The following TAF6L variants were observed in gnomAD, a reference collection of about 807,000 sequenced individuals.
TAF6L encodes TAF6-like RNA polymerase II p300/CBP-associated factor-associated factor 65 kDa subunit 6L.
A neutral mutation model predicts 57.3 loss-of-function variants in TAF6L; 34 were observed. The observed-to-expected ratio is 0.59, with a 90% confidence interval of 0.45 to 0.79. The LOEUF (loss-of-function observed/expected upper bound fraction) is 0.79. TAF6L is among the 30% of genes least tolerant of loss of function. The probability of loss-of-function intolerance (pLI) is 0.00; values close to 1 mark genes in which losing one functional copy is unlikely to be tolerated. For synonymous variants in TAF6L, 417 were observed against 376.3 expected, an observed-to-expected ratio of 1.11 and a Z score of -1.25; for missense variants, 782 against 853.2, an observed-to-expected ratio of 0.92 and a Z score of 1.04.
chr11:62,778,151 G>A (rs1358279957), intron 4 of TAF6L, 23 bp downstream of exon 4: 1 of 1,614,152 alleles, frequency 6.2e-7, no homozygotes, highest in Non-Finnish European at 8.5e-7. Context: ...GTCCTGCATG[G>A]GTTGGGGATG....
At chr11:62,781,763 C>A (rs1328393435) in intron 6 of TAF6L, 131 bp from the exon 7 acceptor site, 2 of 783,304 alleles carry the variant, frequency 2.6e-6, no homozygotes, top group East Asian at 5.5e-5. Context: ...AATAGAATTG[C>A]TAGATCAAAG....
chr11:62,779,976 A>ATATTTTTTTTT (rs1294367864), intron 6 of TAF6L, among the ~76,000 whole-genome samples: 2 of 52,632 alleles, frequency 3.8e-5, no homozygotes, highest in African/African-American at 1.5e-4. Context: ...ATATATATAT[A>ATATTTTTTTTT]TTTTTTTTTT....
At chr11:62,772,612 C>T (rs2084156861) in intron 1 of TAF6L, among the ~76,000 whole-genome samples, 1 of 151,208 alleles carries the variant, frequency 6.6e-6, no homozygotes, top group African/African-American at 2.4e-5. Context: ...GGCGGATCAC[C>T]TGAGGTCAGG....
chr11:62,784,778 G>A (rs2084258106), intron 9 of TAF6L, among the ~76,000 whole-genome samples: 1 of 152,144 alleles, frequency 6.6e-6, no homozygotes, highest in South Asian at 2.1e-4. Flanking sequence ...TCATGGGATA[G>A]TCGTAAAGAA....
chr11:62,772,454 C>CA (rs1056071224), intron 1 of TAF6L, among the ~76,000 whole-genome samples: 2 of 149,260 alleles, frequency 1.3e-5, no homozygotes, highest in African/African-American at 5.0e-5. Context: ...ACCAGGGAGG[C>CA]AGAGGTTGTA....
chr11:62,784,529 A>C (rs1247627985), intron 9 of TAF6L, among the ~76,000 whole-genome samples: 1 of 150,914 alleles, frequency 6.6e-6, no homozygotes, highest in African/African-American at 2.4e-5. Context: ...GATGGTCTCG[A>C]TCTCCTGGCC....
At chr11:62,774,004 A>C (rs948610529) in intron 1 of TAF6L, among the ~76,000 whole-genome samples, 1 of 152,134 alleles carries the variant, frequency 6.6e-6, no homozygotes, top group Non-Finnish European at 1.5e-5. Flanking sequence ...AAAGTAGGAG[A>C]TAAGAGGTAA....
chr11:62,772,805 CAA>C (rs770586046), intron 1 of TAF6L, among the ~76,000 whole-genome samples: 12 of 109,644 alleles, frequency 1.1e-4, no homozygotes, highest in Non-Finnish European at 1.0e-4. Flanking sequence ...ACATCATCTC[CAA>C]AAAAAAAAAA....
At chr11:62,771,717 C>T (rs928350566) in intron 1 of TAF6L, 20 of 203,228 alleles carry the variant, frequency 9.8e-5, no homozygotes, top group Non-Finnish European at 1.8e-4. Flanking sequence ...GAGGTCAGTT[C>T]CCACGCCTCC....
rs2084289855 is a variant in TAF6L at position 62,787,168 on chromosome 11, GCCTT to G, written c.1744_1747del (p.Phe582ProfsTer18). On this transcript the variant is annotated frameshift_variant, in exon 11 of 11. Coordinates refer to ENST00000294168, the MANE Select transcript of TAF6L (RefSeq NM_006473.4). LOFTEE classifies it high-confidence loss of function. ...CTGCCGCGGGCGCCTTTTCCAGACT[GCCTT>G]CCCCGCGCCGTACGGGCCTAGCCCG... is the stretch of plus-strand genomic sequence containing the variant. 3 of 1,582,540 alleles carry G rather than the reference GCCTT, an allele frequency of 1.9e-6. No individual in the cohort carries two copies. Among genetic ancestry groups the G allele is most frequent in the Non-Finnish European group, 2.6e-6 (3 of 1,173,514 alleles).
rs1554996873 is a variant in TAF6L at position 62,779,952 on chromosome 11, C to CTACATATATATATA, written c.531+991_531+992insCATATATATATATA. 3.0e-4 allele frequency among the ~76,000 whole-genome samples: 30 copies of CTACATATATATATA among 100,028 alleles called. 5 individuals are homozygous for CTACATATATATATA. The highest frequency in any genetic ancestry group is 3.3e-4 in the Admixed American group (3 of 9,194). The allele number at this position is 100,028 out of a possible 152,430, so 65.6% of individuals were successfully genotyped here. ...AAGTGGTGGGATTACAGGCGTGAGC[C>CTACATATATATATA]TATATATATATATATATATATATAT... On this transcript the variant is annotated intron_variant, in intron 6 of 10. Transcript: ENST00000294168.
Position 62,776,459 on chromosome 11 carries a change from A to T in TAF6L, c.223A>T (p.Ser75Cys), listed in dbSNP as rs772658993. The T allele has an allele frequency of 5.0e-6, 8 of 1,613,450 alleles. No individual in the cohort carries two copies. Among genetic ancestry groups the T allele is most frequent in the Middle Eastern group, 1.6e-4 (1 of 6,080 alleles). ...VEDFNRALRW[S>C]SVEAVCGYGS... ...GGACTTCAACAGGGCCCTCAGATGGAGCAGCGTGGAGGTGAGTGGGGTGCA... is the reference window on the plus strand; with the variant it reads ...GGACTTCAACAGGGCCCTCAGATGGTGCAGCGTGGAGGTGAGTGGGGTGCA... The change falls in exon 3 of 11, where the codon AGC (serine) becomes TGC (cysteine). Residue 75 changes from serine (S) to cysteine (C), a missense_variant. Around this residue, in one of 3 missense-constraint regions of TAF6L, gnomAD observed 220 missense variants for 252.1 expected, o/e 0.87. Transcript: ENST00000294168.
Position 62,775,823 on chromosome 11 carries a change from C to T in TAF6L, c.40C>T (p.Arg14Trp), listed in dbSNP as rs772171620. 6.2e-6 allele frequency: 10 copies of T among 1,612,398 alleles called. No individual in the cohort carries two copies. The South Asian group carries it at 6.6e-5, about 11-fold the overall frequency. Residue 14 changes from arginine to tryptophan, a missense_variant, in exon 2 of 11, where the codon CGG becomes TGG. Physicochemically the swap from Arg to Trp is moderately radical, Grantham distance 101 (BLOSUM62 -3). This residue lies in a region of TAF6L where 220 missense variants were observed against 252.1 expected (regional missense o/e 0.87). Coordinates refer to ENST00000294168, the MANE Select transcript of TAF6L (RefSeq NM_006473.4). Reference protein sequence around the residue: ...REERRFVEIPRESVRLMAEST... With the variant: ...REERRFVEIPWESVRLMAEST... ...AGAGCGGCGGTTTGTGGAGATCCCTCGGGAGTCTGTCCGGCTCATGGCGGA... is the reference window on the plus strand; with the variant it reads ...AGAGCGGCGGTTTGTGGAGATCCCTTGGGAGTCTGTCCGGCTCATGGCGGA...
chr11:62,776,983 C>G (rs2084192832), intron 3 of TAF6L, among the ~76,000 whole-genome samples: 1 of 151,888 alleles, frequency 6.6e-6, no homozygotes, highest in Non-Finnish European at 1.5e-5. Flanking sequence ...CTCGTTTCTA[C>G]TAAAAATACA....
At chr11:62,785,268 T>C (rs2084261945) in intron 9 of TAF6L, among the ~76,000 whole-genome samples, 1 of 151,924 alleles carries the variant, frequency 6.6e-6, no homozygotes, top group Non-Finnish European at 1.5e-5. Flanking sequence ...CTCGGCTCAC[T>C]GCAACCTCTG....
chr11:62,781,315 C>T (rs139435026), intron 6 of TAF6L, among the ~76,000 whole-genome samples: 15 of 151,548 alleles, frequency 9.9e-5, no homozygotes, highest in African/African-American at 3.1e-4. Context: ...ACTATGATTA[C>T]TCTCATAAAA....
chr11:62,779,971 TATA>T (rs1303554395), intron 6 of TAF6L, among the ~76,000 whole-genome samples: 8 of 70,926 alleles, frequency 1.1e-4, no homozygotes, highest in African/African-American at 3.1e-4. Context: ...TATATATATA[TATA>T]TATTTTTTTT....
chr11:62,779,996 T>TTTTTTTTTTG (rs2084216791), intron 6 of TAF6L, among the ~76,000 whole-genome samples: 1 of 118,576 alleles, frequency 8.4e-6, no homozygotes, highest in East Asian at 2.9e-4. Context: ...TTTTTTTTTT[T>TTTTTTTTTTG]AGAGACAGGG....
chr11:62,775,340 C>T (rs540055747), intron 1 of TAF6L, among the ~76,000 whole-genome samples: 56 of 152,256 alleles, frequency 3.7e-4, no homozygotes, highest in Non-Finnish European at 7.5e-4. Flanking sequence ...GCTCTTGACA[C>T]GTGGGGATTA....
Sources: gnomAD v4.1 joint callset for allele counts (sites outside exome capture counted in the v4.1 genomes callset) on GRCh38, gnomAD v4.1.1 for gene constraint, gnomAD v4.1.1 regional missense constraint, MANE v1.5 for transcripts, NCBI Gene and HGNC (gene_info 2026-07-23, HGNC 2026-07-21) for gene names.